SNAP47: variants seen among roughly 807,000 people sequenced by gnomAD.
The protein encoded by SNAP47 is synaptosomal-associated protein 47.
A neutral mutation model predicts 31.4 loss-of-function variants in SNAP47; 20 were observed. That is an observed-to-expected ratio of 0.64 (90% confidence interval 0.45 to 0.93). The LOEUF is 0.93. Ranked by LOEUF, SNAP47 falls within the 40% of genes least tolerant of loss-of-function variation. The probability of loss-of-function intolerance (pLI) is 0.00; values close to 1 mark genes in which losing one functional copy is unlikely to be tolerated. For synonymous variants in SNAP47, 194 were observed against 213.4 expected, an observed-to-expected ratio of 0.91 and a Z score of 0.79; for missense variants, 492 against 528.5, an observed-to-expected ratio of 0.93 and a Z score of 0.68.
chr1:227,729,279 G>T (rs758135307), intron 1 of SNAP47, among the ~76,000 whole-genome samples: 1 of 152,168 alleles, frequency 6.6e-6, no homozygotes, highest in Non-Finnish European at 1.5e-5. Context: ...TGCCTCCAGG[G>T]CTGCTGACTT....
intron 1 of SNAP47, among the ~76,000 whole-genome samples, chr1:227,737,780 TGAGGGCAGGGACAGGAGGCGGA>T (rs1407414619): frequency 6.6e-6 from 1 of 152,064 alleles, no homozygotes; most frequent in East Asian, 1.9e-4. Flanking sequence ...AGGTGGGATA[TGAGGGCAGGGACAGGAGGCGGA>T]GAGTTGTTTT....
intron 4 of SNAP47, among the ~76,000 whole-genome samples, chr1:227,779,264 G>C (rs1664325343): frequency 6.6e-6 from 1 of 152,210 alleles, no homozygotes; most frequent in Non-Finnish European, 1.5e-5. Context: ...ATAGGCGGGG[G>C]CATTGCTTGT....
intron 2 of SNAP47, among the ~76,000 whole-genome samples, chr1:227,750,165 A>G (rs927076242): frequency 6.6e-6 from 1 of 152,224 alleles, no homozygotes; most frequent in African/African-American, 2.4e-5. Context: ...ACAAGGCCGG[A>G]GCCGGAAGAT....
chr1:227,758,680 G>C (rs1168977434), intron 2 of SNAP47, among the ~76,000 whole-genome samples: 2 of 152,216 alleles, frequency 1.3e-5, no homozygotes, highest in Non-Finnish European at 2.9e-5. Context: ...GTTTCATTTT[G>C]AATCAAGATG....
upstream of SNAP47, chr1:227,732,350 G>A (rs781265757): frequency 3.1e-6 from 5 of 1,599,226 alleles, no homozygotes; most frequent in Non-Finnish European, 4.3e-6. Flanking sequence ...GGAGCAGGAG[G>A]CTGCCTCTCT....
At position 227,741,765 on chromosome 1, in the gene SNAP47, G is replaced by T. The variant is rs1661619700; in HGVS notation, c.-45-5927G>T. 6.6e-6 allele frequency among the ~76,000 whole-genome samples: 1 copy of T among 152,042 alleles called. No homozygotes were observed. Among genetic ancestry groups the T allele is most frequent in the African/African-American group, 2.4e-5 (1 of 41,364 alleles). On this transcript the variant is annotated intron_variant, in intron 1 of 4. Transcript: ENST00000617596. The surrounding 1 kb of genome is among the most constrained non-coding windows in gnomAD (Gnocchi z 4.2). ...CGGCGTGGGGGCCGTGTTCAAGATT[G>T]GGCTGCTTCTGATGTTCCATGGGGT...
intron 3 of SNAP47, among the ~76,000 whole-genome samples, chr1:227,766,706 A>G (rs1558210228): frequency 6.6e-6 from 1 of 152,208 alleles, no homozygotes; most frequent in Non-Finnish European, 1.5e-5. Context: ...ATAAAATAAA[A>G]TAAAACCACT....
rs1336843892 is a variant in SNAP47, at chr1:227,763,333, C to T, written c.989-3626C>T. 1.3e-5 allele frequency among the ~76,000 whole-genome samples: 2 copies of T among 152,224 alleles called. No individual in the cohort carries two copies. ...TGCCTGTCTTGGGGGTAAGGCCTGCCTGGGCTTCCAGCTCCCTGATGACAG... is the reference window on the plus strand; with the variant it reads ...TGCCTGTCTTGGGGGTAAGGCCTGCTTGGGCTTCCAGCTCCCTGATGACAG... On this transcript the variant is annotated intron_variant, in intron 3 of 4. Transcript: ENST00000617596. The surrounding 1 kb of genome is among the most constrained non-coding windows in gnomAD (Gnocchi z 4.2).
upstream of SNAP47, chr1:227,735,055 C>T (rs1385239414): frequency 1.3e-6 from 2 of 1,555,542 alleles, no homozygotes; most frequent in South Asian, 1.2e-5. Flanking sequence ...TCCCCGCGGG[C>T]GTCACCCAGC....
upstream of SNAP47, chr1:227,734,497 C>T (rs950109556): frequency 7.6e-6 from 5 of 657,282 alleles, no homozygotes; most frequent in Non-Finnish European, 1.3e-5. Flanking sequence ...TGCAGCCATG[C>T]GGAAGACAAT....
intron 1 of SNAP47, among the ~76,000 whole-genome samples, chr1:227,743,044 T>G (rs1661718112): frequency 6.6e-6 from 1 of 151,414 alleles, no homozygotes; most frequent in African/African-American, 2.4e-5. Flanking sequence ...ACCCTGGGGG[T>G]GTAGCTAGGT....
upstream of SNAP47, chr1:227,734,588 A>C: frequency 1.3e-6 from 2 of 1,536,080 alleles, no homozygotes; most frequent in Non-Finnish European, 1.8e-6. Flanking sequence ...TTCATCAGAA[A>C]GGCCTCTGGG....
intron 2 of SNAP47, among the ~76,000 whole-genome samples, chr1:227,748,798 C>T (rs914573565): frequency 3.3e-5 from 5 of 152,248 alleles, no homozygotes; most frequent in Admixed American, 2.0e-4. Flanking sequence ...TGTCTCCTGT[C>T]AGCATTGGCC....
At position 227,747,715 on chromosome 1, in the gene SNAP47, GC is replaced by G; in HGVS notation, c.-21del. 6.2e-7 allele frequency: 1 copy of G among 1,606,416 alleles called. No homozygotes were observed. Among genetic ancestry groups the G allele is most frequent in the Non-Finnish European group, 8.5e-7 (1 of 1,174,356 alleles). ...AGAGGCAGAAGAGGCCTGGACCTTG[GC>G]GCACACAGACCCAGGAACAGATGAG... is the stretch of plus-strand genomic sequence containing the variant. On this transcript the variant is annotated 5_prime_UTR_variant, in exon 2 of 5. Coordinates refer to ENST00000617596, the MANE Select transcript of SNAP47 (RefSeq NM_053052.4).
At chr1:227,743,099 G>A (rs1661722422) in intron 1 of SNAP47, among the ~76,000 whole-genome samples, 1 of 152,200 alleles carries the variant, frequency 6.6e-6, no homozygotes, top group Non-Finnish European at 1.5e-5. Context: ...TGTGTCTCCT[G>A]AGGGGCCATG....
At chr1:227,777,057 T>C in intron 4 of SNAP47, 1 of 984,642 alleles carries the variant, frequency 1.0e-6, no homozygotes, top group Non-Finnish European at 1.2e-6. Flanking sequence ...ATTTTTGCTA[T>C]TCCCACTGCT....
chr1:227,744,175 CT>C (rs59986903), intron 1 of SNAP47: 133,974 of 140,882 alleles, frequency 0.95, 63,674 homozygotes, highest in East Asian at 0.99. Context: ...GCAGGGACAG[CT>C]TTTTTTTTTT....
intron 2 of SNAP47, among the ~76,000 whole-genome samples, chr1:227,751,225 C>T (rs1394496002): frequency 1.3e-5 from 2 of 152,238 alleles, no homozygotes; most frequent in Admixed American, 6.5e-5. Flanking sequence ...CTATGTTCAC[C>T]TGCGTCGGCC....
chr1:227,770,109 C>T (rs1490186006), intron 4 of SNAP47, among the ~76,000 whole-genome samples: 1 of 152,206 alleles, frequency 6.6e-6, no homozygotes, highest in Non-Finnish European at 1.5e-5. Context: ...GGCACAGGTC[C>T]CAGGGGTTGC....
Sources: allele counts gnomAD v4.1 joint callset (sites outside exome capture counted in the v4.1 genomes callset), GRCh38; gene constraint gnomAD v4.1.1; non-coding constraint Gnocchi (gnomAD v3.1); transcripts MANE v1.5; gene names NCBI Gene and HGNC (gene_info 2026-07-23, HGNC 2026-07-21).